Variants in UBR3 observed in about 807,000 individuals in gnomAD.
UBR3 encodes the protein E3 ubiquitin-protein ligase UBR3.
A neutral mutation model predicts 243.2 loss-of-function variants in UBR3; 85 were observed. That is an observed-to-expected ratio of 0.35 (90% CI 0.29 to 0.42). UBR3 has a LOEUF of 0.42. UBR3 is among the 10% of genes least tolerant of loss of function. The probability of loss-of-function intolerance (pLI) is 1.00; values close to 1 mark genes in which losing one functional copy is unlikely to be tolerated. For missense variants in UBR3, 1,686 were observed against 2,300.8 expected (o/e 0.73, Z 5.47); for synonymous variants, 748 against 799.8 (o/e 0.94, Z 1.09).
intron 10 of UBR3, among the ~76,000 whole-genome samples, chr2:169,909,196 G>T (rs1171117701): frequency 6.6e-6 from 1 of 152,170 alleles, no homozygotes; most frequent in Non-Finnish European, 1.5e-5. Flanking sequence ...GATAGGCAGA[G>T]ATCAGATTAT....
chr2:169,993,942 A>G (rs2089388763), intron 25 of UBR3, among the ~76,000 whole-genome samples: 1 of 151,812 alleles, frequency 6.6e-6, no homozygotes, highest in Non-Finnish European at 1.5e-5. Flanking sequence ...CTTTTCCCCA[A>G]CCCCGGACTC....
chr2:169,989,193 C>T (rs1221033651), intron 25 of UBR3, among the ~76,000 whole-genome samples: 10 of 152,118 alleles, frequency 6.6e-5, no homozygotes, highest in Admixed American at 6.5e-4. Context: ...AAAGAAAGGT[C>T]TTGTTTTTTA....
In UBR3 at chr2:170,078,415, G is replaced by T. The variant is rs139188436; in HGVS notation, c.5200-1399G>T. 975 of 224,404 alleles carry T rather than the reference G, an allele frequency of 4.3e-3. 6 individuals carry two copies. Among genetic ancestry groups the T allele is most frequent in the African/African-American group, 0.022 (940 of 42,308 alleles). The allele number at this position is 224,404 out of a possible 1,614,324, so 13.9% of individuals were successfully genotyped here. On this transcript the variant is annotated intron_variant, in intron 36 of 38. Coordinates refer to ENST00000272793, the MANE Select transcript of UBR3 (RefSeq NM_172070.4). ...AAGACCGAATTTTAGGTGTAATCATGAGAGGTGTTACAGCTGTTAAATACT... is the reference window on the plus strand; with the variant it reads ...AAGACCGAATTTTAGGTGTAATCATTAGAGGTGTTACAGCTGTTAAATACT...
At chr2:169,845,129 T>G (rs1361313647) in intron 1 of UBR3, among the ~76,000 whole-genome samples, 1 of 152,188 alleles carries the variant, frequency 6.6e-6, no homozygotes, top group Admixed American at 6.5e-5. Context: ...TTAGAAGTTT[T>G]GAGTTTTTTA....
Position 170,061,343 on chromosome 2 carries a change from A to G in UBR3, c.4919A>G (p.Glu1640Gly), listed in dbSNP as rs1363020985. Residue 1640 changes from glutamate (E) to glycine (G), a missense_variant, in exon 35 of 39, where the codon GAA (glutamate) becomes GGA (glycine). Physicochemically the swap from Glu to Gly is moderately conservative, Grantham distance 98. This residue lies in a region of UBR3 where 371 missense variants were observed against 422.5 expected (regional missense o/e 0.88). Coordinates refer to ENST00000272793, the MANE Select transcript of UBR3 (RefSeq NM_172070.4). ...AMVNPIAWSP[E>G]SMEKCLQDFC... ...GTTAACCCTATTGCTTGGTCTCCTG[A>G]ATCCATGGAAAAATGCTTACAGGAC... 2.5e-6 allele frequency: 4 copies of G among 1,614,144 alleles called. No homozygotes were observed. Among genetic ancestry groups the G allele is most frequent in the Non-Finnish European group, 3.4e-6 (4 of 1,180,002 alleles).
rs2091912120 is a variant in UBR3 at position 170,081,775 on chromosome 2, C to G, written c.5599C>G (p.Gln1867Glu). The change falls in exon 39 of 39, where the codon CAA (glutamine) becomes GAA (glutamate). Residue 1867 changes from glutamine to glutamate, a missense_variant. Around this residue, in one of 8 missense-constraint regions of UBR3, gnomAD observed 89 missense variants for 183.3 expected, o/e 0.49. Coordinates refer to ENST00000272793, the MANE Select transcript of UBR3 (RefSeq NM_172070.4). ...ICKERYKVLE[Q>E]QWISHTFDHI... ...TAAGGAAAGATACAAAGTTCTTGAG[C>G]AACAGTGGATTTCTCATACTTTTGA... 1 of 1,608,354 alleles carries G rather than the reference C, an allele frequency of 6.2e-7. No individual in the cohort carries two copies. The highest frequency in any genetic ancestry group is 8.5e-7 in the Non-Finnish European group (1 of 1,177,092).
chr2:169,881,767 A>C (rs1293097295), intron 5 of UBR3, among the ~76,000 whole-genome samples: 1 of 139,338 alleles, frequency 7.2e-6, no homozygotes, highest in Admixed American at 7.6e-5. Flanking sequence ...TTAATAAATT[A>C]TATATAATAT....
In UBR3 at chr2:169,890,581, G is replaced by GTATATATATATATGTA. The variant is rs1207236594; in HGVS notation, c.1039-573_1039-572insATGTATATATATATAT. Reference sequence around the variant, plus strand: ...TATATATATGTGTATATATATATATGTATATATATATGTATATATATGTAT... The same window carrying GTATATATATATATGTA: ...TATATATATGTGTATATATATATATGTATATATATATATGTATATATATATATGTATATATATGTAT... On this transcript the variant is annotated intron_variant, in intron 5 of 38. Coordinates refer to ENST00000272793, the MANE Select transcript of UBR3 (RefSeq NM_172070.4). Among the ~76,000 whole-genome samples, 29 of 96,480 alleles carry GTATATATATATATGTA rather than the reference G, an allele frequency of 3.0e-4. 1 individual carries two copies. The highest frequency in any genetic ancestry group is 1.4e-3 in the African/African-American group (29 of 20,116). 63.3% of individuals were successfully genotyped at this position (96,480 alleles called of 152,430 possible).
intron 27 of UBR3, among the ~76,000 whole-genome samples, chr2:170,005,178 C>T (rs1355832943): frequency 6.6e-6 from 1 of 151,834 alleles, no homozygotes; most frequent in African/African-American, 2.4e-5. Flanking sequence ...CAGCTGAGAT[C>T]GCGCCACTGC....
chr2:170,001,491 C>T, intron 27 of UBR3, 77 bp downstream of exon 27: 1 of 806,686 alleles, frequency 1.2e-6, no homozygotes, highest in Non-Finnish European at 2.1e-6. Context: ...ATATACATCC[C>T]AATTCCAGCT....
chr2:169,944,999 G>C lies in UBR3; in HGVS notation c.2806-1289G>C, dbSNP rs185044136. 2.5e-3 allele frequency among the ~76,000 whole-genome samples: 375 copies of C among 152,116 alleles called. 1 individual carries two copies. Among genetic ancestry groups the C allele is most frequent in the Middle Eastern group, 0.014 (4 of 294 alleles). On this transcript the variant is annotated intron_variant, in intron 20 of 38. Transcript: ENST00000272793. Reference sequence around the variant, plus strand: ...TCAGTCTCCTCCTGCTGCTGCCTCTGCTCCTCACATCATTGGCACCACCCA... The same window carrying C: ...TCAGTCTCCTCCTGCTGCTGCCTCTCCTCCTCACATCATTGGCACCACCCA...
Position 169,827,515 on chromosome 2 carries a change from C to T in UBR3, c.8C>T (p.Ala3Val). MAAAAAAAVGGQQ... is the reference protein window; with the variant it reads MAVAAAAAVGGQQ... ...AAATTCTGAGCTCTCATCATGGCGG[C>T]GGCGGCCGCGGCGGCCGTCGGGGGC... Residue 3 changes from alanine (A) to valine (V), a missense_variant, in exon 1 of 39, where the codon GCG becomes GTG. Coordinates refer to ENST00000272793, the MANE Select transcript of UBR3 (RefSeq NM_172070.4). The T allele has an allele frequency of 1.6e-6, 2 of 1,224,412 alleles. No individual in the cohort carries two copies. Among genetic ancestry groups the T allele is most frequent in the Non-Finnish European group, 2.0e-6 (2 of 982,656 alleles). The allele number at this position is 1,224,412 out of a possible 1,614,324, so 75.8% of individuals were successfully genotyped here.
Position 169,899,733 on chromosome 2 carries a change from G to A in UBR3, c.1465+2998G>A, listed in dbSNP as rs538412491. On this transcript the variant is annotated intron_variant, in intron 8 of 38. Coordinates refer to ENST00000272793, the MANE Select transcript of UBR3 (RefSeq NM_172070.4). ...TTCTCATTGTTCAACTCCCACTTATGAGTGAAAACATGCGGTGTTTGGTTT... is the reference window on the plus strand; with the variant it reads ...TTCTCATTGTTCAACTCCCACTTATAAGTGAAAACATGCGGTGTTTGGTTT... Among the ~76,000 whole-genome samples the A allele has an allele frequency of 1.1e-3, 169 of 151,990 alleles. 2 individuals carry two copies. The highest frequency in any genetic ancestry group is 0.01 in the Admixed American group (156 of 15,268).
chr2:169,906,031 G>T lies in UBR3; in HGVS notation c.1646G>T (p.Gly549Val). ...TWMNFVSFFQ[G>V]MNLNKRELNE... is the part of the protein sequence containing the mutation. ...TTATATCTGCTTTAATTTTTGCCAG[G>T]TATGAACTTAAACAAGCGAGAACTA... The change falls in exon 10 of 39, where the codon GGT becomes GTT. Residue 549 changes from glycine (G) to valine (V), a missense_variant and splice_region_variant. By Grantham distance (109) the Gly-to-Val change is moderately radical. Coordinates refer to ENST00000272793, the MANE Select transcript of UBR3 (RefSeq NM_172070.4). 1 of 1,549,854 alleles carries T rather than the reference G, an allele frequency of 6.5e-7. No homozygotes were observed. Among genetic ancestry groups the T allele is most frequent in the African/African-American group, 1.4e-5 (1 of 73,030 alleles).
intron 16 of UBR3, 72 bp from the exon 17 acceptor site, chr2:169,927,248 A>G: frequency 2.2e-6 from 3 of 1,347,314 alleles, no homozygotes; most frequent in Non-Finnish European, 3.1e-6. Flanking sequence ...GCTTAGTAAA[A>G]AGTGTGGTAA....
chr2:170,070,003 T>A (rs917127792), intron 35 of UBR3, among the ~76,000 whole-genome samples: 4 of 152,120 alleles, frequency 2.6e-5, no homozygotes, highest in African/African-American at 4.8e-5. Flanking sequence ...TGTTATTTTT[T>A]AAAAAAATAT....
chr2:169,971,877 C>T (rs1574314174), intron 24 of UBR3, among the ~76,000 whole-genome samples: 1 of 152,120 alleles, frequency 6.6e-6, no homozygotes, highest in African/African-American at 2.4e-5. Context: ...AGAGCATACA[C>T]ATTCAAAAGC....
intron 18 of UBR3, among the ~76,000 whole-genome samples, chr2:169,931,380 TA>T (rs2086122682): frequency 7.4e-6 from 1 of 135,622 alleles, no homozygotes; most frequent in African/African-American, 2.7e-5. Context: ...AAAAGGACGA[TA>T]AATGATTCTA....
Position 169,996,946 on chromosome 2 carries a change from G to A in UBR3, c.3918+2490G>A, listed in dbSNP as rs372799298. 2.8e-4 allele frequency among the ~76,000 whole-genome samples: 43 copies of A among 151,816 alleles called. No homozygotes were observed. The South Asian group carries it at 8.1e-3, about 29-fold the overall frequency. ...GATCTCTTGACCTCGTGATCTGCCC[G>A]CCTTGGCCTCCTAAAGTGTTGGGAT... On this transcript the variant is annotated intron_variant, in intron 26 of 38. Transcript: ENST00000272793.
Sources: gnomAD v4.1 joint callset for allele counts (sites outside exome capture counted in the v4.1 genomes callset) on GRCh38, gnomAD v4.1.1 for gene constraint, gnomAD v4.1.1 regional missense constraint, MANE v1.5 for transcripts, NCBI Gene and HGNC (gene_info 2026-07-23, HGNC 2026-07-21) for gene names.